The following POU3F3 variants were observed in gnomAD, a reference collection of about 807,000 sequenced individuals.
POU3F3 encodes POU class 3 homeobox 3.
In POU3F3, 1 loss-of-function variant was observed where a neutral mutation model predicts 8.6. The observed-to-expected ratio is 0.12, with a 90% CI of 0.04 to 0.55. POU3F3 has a LOEUF of 0.55. Among genes scored for constraint, POU3F3 ranks in the 20% least tolerant of loss-of-function variants. The pLI, the probability that POU3F3 is intolerant of heterozygous loss-of-function variation, is 0.91. For missense variants in POU3F3, 577 were observed against 690.7 expected (o/e 0.84, Z 1.84); for synonymous variants, 418 against 327.4 (o/e 1.28, Z -2.99).
the POU3F3 span, among the ~76,000 whole-genome samples, chr2:104,870,259 G>C: frequency 6.6e-6 from 1 of 152,222 alleles, no homozygotes; most frequent in Non-Finnish European, 1.5e-5. Context: ...ACTGCCTGAG[G>C]TGTGAGCTGC....
the POU3F3 span, among the ~76,000 whole-genome samples, chr2:104,903,590 T>C: frequency 6.6e-6 from 1 of 152,208 alleles, no homozygotes; most frequent in East Asian, 1.9e-4. Flanking sequence ...CATTTAAGCA[T>C]TTATTTGAGG....
the POU3F3 span, among the ~76,000 whole-genome samples, chr2:104,913,790 T>C: frequency 6.6e-6 from 1 of 152,246 alleles, no homozygotes; most frequent in South Asian, 2.1e-4. Context: ...ACATCGTTAT[T>C]TTCACATTCT....
chr2:104,916,958 G>C, the POU3F3 span, among the ~76,000 whole-genome samples: 2 of 152,202 alleles, frequency 1.3e-5, no homozygotes, highest in Non-Finnish European at 2.9e-5. Context: ...ACCAATGTGG[G>C]TGGGCACCAT....
At chr2:104,874,715 A>G in the POU3F3 span, among the ~76,000 whole-genome samples, 9 of 152,330 alleles carry the variant, frequency 5.9e-5, no homozygotes, top group Admixed American at 5.9e-4. Flanking sequence ...GAGGCCTTCT[A>G]TCTGTCTTCC....
At chr2:104,859,343 C>G (rs1281779406), downstream of POU3F3, among the ~76,000 whole-genome samples, 2 of 152,096 alleles carry the variant, frequency 1.3e-5, no homozygotes, top group Non-Finnish European at 2.9e-5. Context: ...TCACATTGAT[C>G]AAGTTAATGT....
chr2:104,853,867 G>C (rs937062986), upstream of POU3F3: 1 of 152,050 alleles, frequency 6.6e-6, no homozygotes, highest in Non-Finnish European at 1.5e-5. Context: ...CGGGGGAGGG[G>C]CGGGGAGGGG....
chr2:104,855,184 GC>G lies in POU3F3; in HGVS notation c.-321del, dbSNP rs1436844956. Among the ~76,000 whole-genome samples, 1 of 151,712 alleles carries G rather than the reference GC, an allele frequency of 6.6e-6. No homozygotes were observed. On this transcript the variant is annotated 5_prime_UTR_variant, in exon 1 of 1. Coordinates refer to ENST00000361360, the MANE Select transcript of POU3F3 (RefSeq NM_006236.3). The stretch of plus-strand genomic sequence containing the variant: ...CCACGGAGCGCACCCCGAGAAGCGA[GC>G]CCCCCTCCCCAGAGCGCTGCTCCTG...
the POU3F3 span, chr2:104,872,504 G>A: frequency 2.6e-6 from 1 of 378,458 alleles, no homozygotes; most frequent in South Asian, 1.9e-5. The surrounding 1 kb of genome is among the most constrained non-coding windows in gnomAD (Gnocchi z 4.6). Flanking sequence ...CCCGTTCCCA[G>A]CCCCTCTTCA....
At chr2:104,913,925 G>A in the POU3F3 span, among the ~76,000 whole-genome samples, 6 of 151,970 alleles carry the variant, frequency 3.9e-5, no homozygotes, top group South Asian at 2.1e-4. Flanking sequence ...GCCTTTTAGC[G>A]GAGGCTCATT....
At chr2:104,872,775 G>C in the POU3F3 span, among the ~76,000 whole-genome samples, 1 of 152,200 alleles carries the variant, frequency 6.6e-6, no homozygotes, top group Non-Finnish European at 1.5e-5. This position sits in a 1 kb window ranked among gnomAD's most constrained non-coding sequence, Gnocchi z 4.6. Context: ...TGGTTCTCAA[G>C]GGCGAGGAGA....
the POU3F3 span, among the ~76,000 whole-genome samples, chr2:104,873,667 C>T: frequency 2.7e-3 from 411 of 152,340 alleles, 5 homozygotes; most frequent in African/African-American, 9.5e-3. Context: ...GGAGGTTAGG[C>T]CCGACAGGAG....
At chr2:104,905,275 C>T in the POU3F3 span, among the ~76,000 whole-genome samples, 1 of 152,146 alleles carries the variant, frequency 6.6e-6, no homozygotes, top group African/African-American at 2.4e-5. Flanking sequence ...AAGAGTAATA[C>T]ATGCAATTTT....
chr2:104,859,635 A>G (rs1676632816), downstream of POU3F3, among the ~76,000 whole-genome samples: 1 of 152,206 alleles, frequency 6.6e-6, no homozygotes, highest in South Asian at 2.1e-4. Flanking sequence ...TATTTCTCCC[A>G]GACAGGCCCT....
chr2:104,897,686 C>T, the POU3F3 span, among the ~76,000 whole-genome samples: 19 of 152,156 alleles, frequency 1.2e-4, no homozygotes, highest in Non-Finnish European at 1.9e-4. Flanking sequence ...AATCAGTCAG[C>T]GATGACTCAG....
At chr2:104,876,681 G>A in the POU3F3 span, among the ~76,000 whole-genome samples, 4 of 152,302 alleles carry the variant, frequency 2.6e-5, no homozygotes, top group Middle Eastern at 3.4e-3. Context: ...AACGACTGTG[G>A]AGACGGGGTC....
chr2:104,855,724 A>G lies in POU3F3; in HGVS notation c.214A>G (p.Met72Val). The change falls in exon 1 of 1, where the codon ATG (methionine) becomes GTG (valine). Residue 72 changes from methionine (M) to valine (V), a missense_variant. Physicochemically the swap from Met to Val is conservative, Grantham distance 21. Around this residue, in one of 7 missense-constraint regions of POU3F3, gnomAD observed 484 missense variants for 422.6 expected, o/e 1.15. Coordinates refer to ENST00000361360, the MANE Select transcript of POU3F3 (RefSeq NM_006236.3). ...AYRGDPSSVK[M>V]VQSDFMQGAM... ...CCGGGGGGACCCGTCCTCTGTCAAGATGGTCCAGAGCGACTTCATGCAGGG... is the reference window on the plus strand; with the variant it reads ...CCGGGGGGACCCGTCCTCTGTCAAGGTGGTCCAGAGCGACTTCATGCAGGG... The G allele has an allele frequency of 7.9e-7, 1 of 1,269,906 alleles. No homozygotes were observed. The highest frequency in any genetic ancestry group is 1.0e-6 in the Non-Finnish European group (1 of 983,998). 78.7% of individuals were successfully genotyped at this position (1,269,906 alleles called of 1,614,324 possible).
chr2:104,863,413 C>T (rs1443396423), downstream of POU3F3, among the ~76,000 whole-genome samples: 3 of 151,962 alleles, frequency 2.0e-5, no homozygotes, highest in South Asian at 6.2e-4. Context: ...TTCTGCAGGG[C>T]TTGTGGAAGG....
the POU3F3 span, among the ~76,000 whole-genome samples, chr2:104,873,737 C>T: frequency 6.6e-6 from 1 of 152,202 alleles, no homozygotes; most frequent in Non-Finnish European, 1.5e-5. Context: ...TCTTGACCCC[C>T]TGCTTCCCAA....
the POU3F3 span, among the ~76,000 whole-genome samples, chr2:104,870,407 A>G: frequency 6.6e-6 from 1 of 152,218 alleles, no homozygotes; most frequent in African/African-American, 2.4e-5. Flanking sequence ...GCTTGTCACT[A>G]GCAGCTCAGG....
Sources: allele counts gnomAD v4.1 joint callset (sites outside exome capture counted in the v4.1 genomes callset), GRCh38; gene constraint gnomAD v4.1.1; regional missense constraint gnomAD v4.1.1; non-coding constraint Gnocchi (gnomAD v3.1); transcripts MANE v1.5; gene names NCBI Gene and HGNC (gene_info 2026-07-23, HGNC 2026-07-21).